The following TMEM117 variants were observed in gnomAD, a reference collection of about 807,000 sequenced individuals.
TMEM117 encodes transmembrane protein 117.
Under a neutral mutation model 52.4 loss-of-function variants are expected in TMEM117, and 27 were observed. The ratio of observed to expected loss-of-function variants is 0.51; its 90% CI spans 0.38 to 0.71. The LOEUF (loss-of-function observed/expected upper bound fraction) is 0.71. TMEM117 is among the 30% of genes least tolerant of loss of function. The pLI, the probability that TMEM117 is intolerant of heterozygous loss-of-function variation, is 0.00. For synonymous variants in TMEM117, 215 were observed against 206.3 expected (o/e 1.04, Z -0.36); for missense variants, 556 against 630.5 (o/e 0.88, Z 1.26).
rs542227408 is a variant in TMEM117, at chr12:44,044,470, C to T, written c.411-99055C>T. 2.6e-4 allele frequency among the ~76,000 whole-genome samples: 39 copies of T among 152,252 alleles called. No individual in the cohort carries two copies. In the South Asian group the frequency reaches 4.8e-3, roughly 19 times the overall value. Reference sequence around the variant, plus strand: ...CCATCCTGCCATAATGTGGAGAATGCGCAACAGCATTCCACCATCAAATGG... The same window carrying T: ...CCATCCTGCCATAATGTGGAGAATGTGCAACAGCATTCCACCATCAAATGG... On this transcript the variant is annotated intron_variant, in intron 3 of 7. Transcript: ENST00000266534.
intron 2 of TMEM117, among the ~76,000 whole-genome samples, chr12:43,889,677 A>G (rs1944066912): frequency 6.6e-6 from 1 of 152,206 alleles, no homozygotes; most frequent in Non-Finnish European, 1.5e-5. Context: ...CTAATGTCGC[A>G]TTTACTTATA....
chr12:44,164,043 G>A (rs1212178376), intron 4 of TMEM117, among the ~76,000 whole-genome samples: 1 of 152,062 alleles, frequency 6.6e-6, no homozygotes, highest in African/African-American at 2.4e-5. Flanking sequence ...CAGGAGCTAG[G>A]GTGGGATTGG....
Position 44,090,715 on chromosome 12 carries a change from C to T in TMEM117, c.411-52810C>T, listed in dbSNP as rs1422788927. On this transcript the variant is annotated intron_variant, in intron 3 of 7. Transcript: ENST00000266534. ...TCAGCCTCCCAAAGTGCTGGGACTA[C>T]AGGCATGAGCCAACACCCTCAGCCC... is the stretch of plus-strand genomic sequence containing the variant. Among the ~76,000 whole-genome samples the T allele has an allele frequency of 1.1e-4, 16 of 152,182 alleles. No homozygotes were observed. The East Asian group carries it at 3.1e-3, about 29-fold the overall frequency.
At chr12:43,925,378 C>G (rs1223700303) in intron 2 of TMEM117, among the ~76,000 whole-genome samples, 1 of 152,000 alleles carries the variant, frequency 6.6e-6, no homozygotes, top group Non-Finnish European at 1.5e-5. Context: ...ATTTCACTGA[C>G]TCTTTGTAAC....
intron 6 of TMEM117, among the ~76,000 whole-genome samples, chr12:44,349,505 C>T (rs1373377284): frequency 6.6e-6 from 1 of 152,010 alleles, no homozygotes; most frequent in African/African-American, 2.4e-5. Context: ...AGTGCCTGTA[C>T]TGTCCCTCCA....
intron 2 of TMEM117, among the ~76,000 whole-genome samples, chr12:43,877,206 G>T (rs1221392864): frequency 2.0e-5 from 3 of 152,102 alleles, no homozygotes; most frequent in African/African-American, 7.2e-5. Flanking sequence ...GTCAAAGAAT[G>T]TGCACATTTT....
chr12:43,854,194 G>A (rs1943359580), intron 2 of TMEM117, among the ~76,000 whole-genome samples: 1 of 152,160 alleles, frequency 6.6e-6, no homozygotes, highest in Non-Finnish European at 1.5e-5. Context: ...CAGAATTTAA[G>A]GGGAATTGGA....
At chr12:44,032,234 C>G (rs1413503693) in intron 3 of TMEM117, among the ~76,000 whole-genome samples, 1 of 152,058 alleles carries the variant, frequency 6.6e-6, no homozygotes, top group Non-Finnish European at 1.5e-5. Context: ...AATAAAATGG[C>G]CAAGTGTAAT....
intron 3 of TMEM117, among the ~76,000 whole-genome samples, chr12:44,106,059 C>A (rs558631755): frequency 6.6e-6 from 1 of 152,054 alleles, no homozygotes; most frequent in African/African-American, 2.4e-5. Flanking sequence ...TGTCCTGGCA[C>A]TGGTTCCCTC....
At chr12:44,064,077 A>G (rs898900761) in intron 3 of TMEM117, among the ~76,000 whole-genome samples, 2 of 152,110 alleles carry the variant, frequency 1.3e-5, no homozygotes, top group African/African-American at 4.8e-5. Flanking sequence ...CCAATTCTGG[A>G]GAGAGACCTA....
chr12:44,303,068 A>AG (rs1479516731), intron 6 of TMEM117, among the ~76,000 whole-genome samples: 1 of 150,604 alleles, frequency 6.6e-6, no homozygotes. Flanking sequence ...TCTGATATGG[A>AG]GTTTCACTCT....
intron 5 of TMEM117, among the ~76,000 whole-genome samples, chr12:44,243,699 C>T (rs554691669): frequency 4.6e-5 from 7 of 151,968 alleles, no homozygotes; most frequent in Admixed American, 1.3e-4. Flanking sequence ...AGTCACTGTG[C>T]TGTGCCATTC....
At chr12:44,370,683 A>G (rs1400083025) in intron 6 of TMEM117, among the ~76,000 whole-genome samples, 2 of 151,766 alleles carry the variant, frequency 1.3e-5, no homozygotes, top group African/African-American at 4.8e-5. Flanking sequence ...ATGCCTGGCT[A>G]ATTTTTGTAT....
chr12:44,353,728 C>T lies in TMEM117; in HGVS notation c.769-22867C>T, dbSNP rs532105092. Among the ~76,000 whole-genome samples, 289 of 151,978 alleles carry T rather than the reference C, an allele frequency of 1.9e-3. 4 individuals carry two copies. In the East Asian group the frequency reaches 0.036, roughly 19 times the overall value. ...TGTAGTATAGTTTGAAGTCAGGTAGCGTGATGCCTCCAGCTTTGTTCTTTT... is the reference window on the plus strand; with the variant it reads ...TGTAGTATAGTTTGAAGTCAGGTAGTGTGATGCCTCCAGCTTTGTTCTTTT... On this transcript the variant is annotated intron_variant, in intron 6 of 7. Coordinates refer to ENST00000266534, the MANE Select transcript of TMEM117 (RefSeq NM_032256.3).
intron 2 of TMEM117, among the ~76,000 whole-genome samples, chr12:43,937,810 G>A (rs1487104659): frequency 3.3e-5 from 5 of 152,080 alleles, no homozygotes; most frequent in African/African-American, 1.2e-4. Flanking sequence ...AGGACATAGT[G>A]GTAAAGAAGA....
intron 3 of TMEM117, among the ~76,000 whole-genome samples, chr12:44,020,481 T>C (rs927006123): frequency 1.3e-5 from 2 of 152,208 alleles, no homozygotes; most frequent in Non-Finnish European, 2.9e-5. Flanking sequence ...TGTCATCTAC[T>C]TTTGTGTCCC....
In TMEM117 at chr12:44,255,054, A is replaced by G. The variant is rs1258423285; in HGVS notation, c.608+43667A>G. On this transcript the variant is annotated intron_variant, in intron 5 of 7. Coordinates refer to ENST00000266534, the MANE Select transcript of TMEM117 (RefSeq NM_032256.3). ...ATGCCACATTTTCTTAATCCAGTCT[A>G]TCGTTGTTGGACATTTGGGTTGGTT... Among the ~76,000 whole-genome samples, 5 of 152,120 alleles carry G rather than the reference A, an allele frequency of 3.3e-5. No individual in the cohort carries two copies. The East Asian group carries it at 7.7e-4, about 23-fold the overall frequency.
In TMEM117 at chr12:44,059,934, T is replaced by C. The variant is rs548143310; in HGVS notation, c.411-83591T>C. On this transcript the variant is annotated intron_variant, in intron 3 of 7. Coordinates refer to ENST00000266534, the MANE Select transcript of TMEM117 (RefSeq NM_032256.3). ...GACAGCCTAAATAAGAAGAGTATAG[T>C]GAAATAGCTTATGAATAGCTGTATG... Among the ~76,000 whole-genome samples the C allele has an allele frequency of 2.0e-5, 3 of 152,292 alleles. No homozygotes were observed. The South Asian group carries it at 6.2e-4, about 32-fold the overall frequency.
chr12:44,328,511 C>G (rs776458596), intron 6 of TMEM117, among the ~76,000 whole-genome samples: 44 of 152,248 alleles, frequency 2.9e-4, no homozygotes, highest in Non-Finnish European at 1.0e-4. Flanking sequence ...TTCCTTCGTT[C>G]AGCTACTTTT....
Sources: allele counts gnomAD v4.1 joint callset (sites outside exome capture counted in the v4.1 genomes callset), GRCh38; gene constraint gnomAD v4.1.1; transcripts MANE v1.5; gene names NCBI Gene and HGNC (gene_info 2026-07-23, HGNC 2026-07-21).